The following PCDH11Y variants were observed in gnomAD, a reference collection of about 807,000 sequenced individuals.
PCDH11Y encodes the protein protocadherin 11 Y-linked, also known as protocadherin-11 Y-linked.
For missense variants in PCDH11Y, 12 were observed against 224.8 expected (o/e 0.05, Z 6.05); for synonymous variants, 9 against 83.6 (o/e 0.11, Z 4.87).
At chrY:5,656,684 C>A in intron 4 of PCDH11Y, among the ~76,000 whole-genome samples, 1 of 32,166 alleles carries the variant, frequency 3.1e-5, no homozygotes, top group Admixed American at 2.9e-4. Flanking sequence ...TGATTCAATG[C>A]AATCTCTATC....
At chrY:5,134,633 G>T in intron 2 of PCDH11Y, among the ~76,000 whole-genome samples, 8 of 32,110 alleles carry the variant, frequency 2.5e-4, no homozygotes, top group African/African-American at 9.8e-4. Flanking sequence ...CTGTTGATAT[G>T]ATATATCACC....
chrY:5,534,937 G>A, intron 3 of PCDH11Y, among the ~76,000 whole-genome samples: 2 of 33,705 alleles, frequency 5.9e-5, no homozygotes, highest in African/African-American at 1.2e-4. Context: ...TAGGTCACAC[G>A]TATGTCTTAT....
intron 2 of PCDH11Y, among the ~76,000 whole-genome samples, chrY:5,379,009 G>A (rs1602915391): frequency 3.1e-5 from 1 of 32,015 alleles, no homozygotes; most frequent in East Asian, 8.4e-4. Flanking sequence ...ACAAAAATAG[G>A]TTGAGACAAC....
intron 4 of PCDH11Y, among the ~76,000 whole-genome samples, chrY:5,669,372 C>T: frequency 3.1e-5 from 1 of 32,131 alleles, no homozygotes; most frequent in African/African-American, 1.2e-4. Context: ...TCTCTACTTA[C>T]GTGGGATCAA....
chrY:5,536,926 G>C, intron 3 of PCDH11Y, among the ~76,000 whole-genome samples: 1 of 33,134 alleles, frequency 3.0e-5, no homozygotes, highest in African/African-American at 1.2e-4. Flanking sequence ...TTGTCTATGT[G>C]CCTATTTTTA....
At chrY:5,573,180 C>A in intron 3 of PCDH11Y, 4 of 278,800 alleles carry the variant, frequency 1.4e-5, no homozygotes, top group South Asian at 1.4e-4. Flanking sequence ...TCTCCACCAA[C>A]TACCAGTCAC....
At chrY:5,045,067 T>C (rs2124625286) in intron 3 of PCDH11Y, among the ~76,000 whole-genome samples, 7 of 33,492 alleles carry the variant, frequency 2.1e-4, no homozygotes, top group Admixed American at 1.9e-3. Context: ...CTTTATCCAA[T>C]TTGCCAGTCT....
At chrY:5,488,314 AAAATAAAT>A in intron 2 of PCDH11Y, among the ~76,000 whole-genome samples, 1 of 33,220 alleles carries the variant, frequency 3.0e-5, no homozygotes, top group Admixed American at 2.8e-4. Context: ...ACTTTTTGCA[AAAATAAAT>A]AAATAAATAA....
intron 3 of PCDH11Y, among the ~76,000 whole-genome samples, chrY:5,566,846 C>A: frequency 3.1e-5 from 1 of 32,775 alleles, no homozygotes; most frequent in East Asian, 8.0e-4. Flanking sequence ...TTTTATGAAA[C>A]TATAGGAAGA....
At chrY:5,120,593 T>C (rs1602871255) in intron 2 of PCDH11Y, among the ~76,000 whole-genome samples, 8 of 33,062 alleles carry the variant, frequency 2.4e-4, no homozygotes, top group African/African-American at 4.7e-4. Flanking sequence ...TTTCCAGTTG[T>C]AGGTGAATGT....
At chrY:5,299,798 T>A in intron 2 of PCDH11Y, among the ~76,000 whole-genome samples, 1 of 31,304 alleles carries the variant, frequency 3.2e-5, no homozygotes, top group African/African-American at 1.3e-4. Context: ...TCTATTGGAA[T>A]TCTATAATAA....
chrY:5,628,550 T>C, intron 4 of PCDH11Y, among the ~76,000 whole-genome samples: 1 of 34,083 alleles, frequency 2.9e-5, no homozygotes, highest in South Asian at 6.3e-4. Context: ...AAATAAATTG[T>C]AACTCAAGAA....
At chrY:5,659,491 T>C in intron 4 of PCDH11Y, among the ~76,000 whole-genome samples, 1 of 31,411 alleles carries the variant, frequency 3.2e-5, no homozygotes, top group Non-Finnish European at 7.7e-5. Context: ...CACACCACAA[T>C]ACGAAGTCCT....
At chrY:5,408,218 T>G in intron 2 of PCDH11Y, among the ~76,000 whole-genome samples, 1 of 32,671 alleles carries the variant, frequency 3.1e-5, no homozygotes, top group Non-Finnish European at 7.5e-5. Flanking sequence ...AGAAAAGACA[T>G]TAAGAAATAG....
intron 2 of PCDH11Y, among the ~76,000 whole-genome samples, chrY:5,293,842 C>T: frequency 3.2e-5 from 1 of 31,029 alleles, no homozygotes; most frequent in African/African-American, 1.3e-4. Context: ...TTATACTTTT[C>T]GTCTTTAAAT....
chrY:5,694,433 C>A (rs2053570228), intron 4 of PCDH11Y, among the ~76,000 whole-genome samples: 1 of 31,745 alleles, frequency 3.2e-5, no homozygotes, highest in Non-Finnish European at 7.8e-5. Context: ...TCATCTATGC[C>A]AATCTGGTAT....
intron 3 of PCDH11Y, among the ~76,000 whole-genome samples, chrY:5,535,225 CT>C (rs1602939534): frequency 1.3e-4 from 3 of 23,410 alleles, no homozygotes; most frequent in East Asian, 1.1e-3. Flanking sequence ...TTTCTTTTTT[CT>C]TTTTTTTTTT....
chrY:5,385,254 GCATA>G (rs2053212276), intron 2 of PCDH11Y, among the ~76,000 whole-genome samples: 10 of 27,265 alleles, frequency 3.7e-4, no homozygotes, highest in African/African-American at 1.5e-3. Context: ...CTCCCAAGCA[GCATA>G]CATTGAACCC....
chrY:5,501,063 C>T, exon 3 of PCDH11Y: 2 of 396,880 alleles, frequency 5.0e-6, no homozygotes, highest in Non-Finnish European at 7.1e-6. Flanking sequence ...TCAGTCCCAG[C>T]GGCGTGTCAC....
Sources: allele counts gnomAD v4.1 joint callset (sites outside exome capture counted in the v4.1 genomes callset), GRCh38; gene constraint gnomAD v4.1.1; transcripts MANE v1.5; gene names NCBI Gene and HGNC (gene_info 2026-07-23, HGNC 2026-07-21).